ANK3: variants seen among roughly 807,000 people sequenced by gnomAD.
The protein encoded by ANK3 is ankyrin-3.
A neutral mutation model predicts 370.9 loss-of-function variants in ANK3; 57 were observed. The ratio of observed to expected loss-of-function variants is 0.15; its 90% confidence interval spans 0.12 to 0.19. The LOEUF (loss-of-function observed/expected upper bound fraction) is 0.19, where lower values mean the gene tolerates loss of function less well. Ranked by LOEUF, ANK3 falls within the 10% of genes least tolerant of loss-of-function variation. The pLI is 1.00. For synonymous variants in ANK3, 1,929 were observed against 1,946.3 expected (o/e 0.99, Z 0.23); for missense variants, 4,439 against 5,302.1 (o/e 0.84, Z 5.06).
chr10:60,416,626 C>T (rs537596091), intron 2 of ANK3, among the ~76,000 whole-genome samples: 4 of 152,100 alleles, frequency 2.6e-5, no homozygotes, highest in African/African-American at 7.2e-5. Context: ...CTAAGCTGTA[C>T]AATATAGAAG....
rs75218192 is a variant in ANK3 at position 60,637,658 on chromosome 10, G to T, written c.58-22434C>A. ...GTATAATATTCTAAAAATAAGGGAA[G>T]AATTAAATAAATCATGGAGCCTCTT... On this transcript the variant is annotated intron_variant, in intron 1 of 43. Transcript: ENST00000373827. 2.8e-3 allele frequency among the ~76,000 whole-genome samples: 432 copies of T among 152,180 alleles called. 3 individuals carry two copies. The highest frequency in any genetic ancestry group is 9.8e-3 in the African/African-American group (408 of 41,532).
chr10:60,435,058 T>C (rs377409129), intron 2 of ANK3, among the ~76,000 whole-genome samples: 3 of 152,370 alleles, frequency 2.0e-5, no homozygotes, highest in South Asian at 2.1e-4. Flanking sequence ...CCTTTTCCTA[T>C]GGACCAACCT....
intron 2 of ANK3, among the ~76,000 whole-genome samples, chr10:60,444,790 G>C (rs2064399227): frequency 6.6e-6 from 1 of 152,108 alleles, no homozygotes; most frequent in Admixed American, 6.5e-5. Flanking sequence ...TGAATACATG[G>C]TAAGAGTTGT....
chr10:60,371,435 G>A (rs2060097687), intron 1 of ANK3, among the ~76,000 whole-genome samples: 1 of 151,976 alleles, frequency 6.6e-6, no homozygotes, highest in African/African-American at 2.4e-5. Flanking sequence ...TTTTAAAGTT[G>A]TCTGTCTCTC....
At chr10:60,218,172 T>C (rs2132475993) in intron 8 of ANK3, among the ~76,000 whole-genome samples, 1 of 151,656 alleles carries the variant, frequency 6.6e-6, no homozygotes, top group Non-Finnish European at 1.5e-5. Context: ...AGCCTATGTG[T>C]GTCTTTGCAC....
intron 9 of ANK3, among the ~76,000 whole-genome samples, chr10:60,208,757 A>G (rs779270771): frequency 6.6e-6 from 1 of 152,182 alleles, no homozygotes; most frequent in Non-Finnish European, 1.5e-5. Context: ...GATTACTAAC[A>G]CCCAATATTG....
chr10:60,467,161 T>C (rs138324527), intron 2 of ANK3, among the ~76,000 whole-genome samples: 5 of 152,304 alleles, frequency 3.3e-5, no homozygotes, highest in African/African-American at 1.2e-4. Flanking sequence ...AGATTAAAAA[T>C]TTATTGGCTG....
chr10:60,589,947 A>C (rs1037633241), intron 2 of ANK3, among the ~76,000 whole-genome samples: 1 of 152,210 alleles, frequency 6.6e-6, no homozygotes, highest in African/African-American at 2.4e-5. Context: ...GTTTGCTGCT[A>C]CTTGGATTTC....
chr10:60,437,044 C>T (rs941186690), intron 2 of ANK3, among the ~76,000 whole-genome samples: 2 of 152,176 alleles, frequency 1.3e-5, no homozygotes, highest in African/African-American at 4.8e-5. Flanking sequence ...CTTTCTTCCA[C>T]CTGGAACACT....
chr10:60,684,729 T>C lies in ANK3; in HGVS notation c.57+48534A>G. On this transcript the variant is annotated intron_variant, in intron 1 of 43. Coordinates refer to the ANK3 transcript ENST00000373827. ...AAACAGTCACTTTTCACTTCGGGGA[T>C]GTAGGTGGTCAGGAGAAATTAATGC... is the stretch of plus-strand genomic sequence containing the variant. The C allele has an allele frequency of 3.2e-6, 5 of 1,585,508 alleles. No individual in the cohort carries two copies. The African/African-American group carries it at 4.0e-5, about 13-fold the overall frequency.
intron 1 of ANK3, among the ~76,000 whole-genome samples, chr10:60,700,110 G>A (rs1342636775): frequency 6.6e-6 from 1 of 151,998 alleles, no homozygotes; most frequent in Non-Finnish European, 1.5e-5. Context: ...CTTTTTGATT[G>A]TTTTTGGTTT....
chr10:60,070,733 G>A lies in ANK3; in HGVS notation c.10148C>T (p.Ala3383Val), dbSNP rs1245295580. 1.9e-6 allele frequency: 3 copies of A among 1,614,158 alleles called. No homozygotes were observed. Among genetic ancestry groups the A allele is most frequent in the South Asian group, 1.1e-5 (1 of 91,080 alleles). The part of the protein sequence containing the change: ...LGLDSPQNEI[A>V]QNGNNDQSIT... ...GGACTGGTCGTTGTTCCCATTCTGG[G>A]CAATTTCATTCTGAGGTGAATCAAG... Residue 3383 changes from alanine (A) to valine (V), a missense_variant, in exon 37 of 44, where the codon GCC becomes GTC. This residue lies in a region of ANK3 where 1,601 missense variants were observed against 1,731.7 expected (regional missense o/e 0.92). Transcript: ENST00000280772. This position sits in a 1 kb window ranked among gnomAD's most constrained non-coding sequence, Gnocchi z 5.7.
At chr10:60,375,024 A>T (rs1297235881) in intron 1 of ANK3, among the ~76,000 whole-genome samples, 1 of 152,180 alleles carries the variant, frequency 6.6e-6, no homozygotes, top group Non-Finnish European at 1.5e-5. Flanking sequence ...AGGAAAGAAG[A>T]AGTGACGTAT....
intron 2 of ANK3, among the ~76,000 whole-genome samples, chr10:60,452,937 C>T (rs1177016898): frequency 6.6e-6 from 1 of 152,222 alleles, no homozygotes; most frequent in East Asian, 1.9e-4. Flanking sequence ...AGCACACTTC[C>T]TGTGATGCCC....
chr10:60,572,992 T>A (rs2077634090), intron 2 of ANK3: 7 of 988,136 alleles, frequency 7.1e-6, no homozygotes, highest in Non-Finnish European at 6.0e-6. Flanking sequence ...AGGGGCTGAT[T>A]TGCTGCTTCT....
Position 60,074,934 on chromosome 10 carries a change from G to C in ANK3, c.5947C>G (p.His1983Asp), listed in dbSNP as rs767820022. Residue 1983 changes from histidine to aspartate, a missense_variant, in exon 37 of 44, where the codon CAC becomes GAC. Transcript: ENST00000280772. ...SPKSPKSDKGHSPEDDWIEFS... is the reference protein window; with the variant it reads ...SPKSPKSDKGDSPEDDWIEFS... ...TCTATCCAGTCATCTTCAGGAGAGT[G>C]TCCTTTGTCACTCTTTGGTGATTTG... The C allele has an allele frequency of 6.2e-7, 1 of 1,614,092 alleles. No homozygotes were observed. Among genetic ancestry groups the C allele is most frequent in the South Asian group, 1.1e-5 (1 of 91,076 alleles).
chr10:60,593,190 T>C (rs546246703), intron 2 of ANK3, among the ~76,000 whole-genome samples: 34 of 152,328 alleles, frequency 2.2e-4, no homozygotes, highest in African/African-American at 8.2e-4. Context: ...CAGCAATTAA[T>C]CTTAAGGATC....
chr10:60,656,373 A>G (rs1414608516), intron 1 of ANK3, among the ~76,000 whole-genome samples: 2 of 151,964 alleles, frequency 1.3e-5, no homozygotes, highest in African/African-American at 4.8e-5. Context: ...TTTTGTGAAA[A>G]TGGTAATCTG....
chr10:60,453,341 A>T (rs555007885), intron 2 of ANK3, among the ~76,000 whole-genome samples: 1 of 152,306 alleles, frequency 6.6e-6, no homozygotes, highest in South Asian at 2.1e-4. Flanking sequence ...TGGAGAAGAA[A>T]ATTCTATGAC....
Sources: gnomAD v4.1 joint callset for allele counts (sites outside exome capture counted in the v4.1 genomes callset) on GRCh38, gnomAD v4.1.1 for gene constraint, gnomAD v4.1.1 regional missense constraint, Gnocchi (gnomAD v3.1) non-coding constraint, MANE v1.5 for transcripts, NCBI Gene and HGNC (gene_info 2026-07-23, HGNC 2026-07-21) for gene names.